The following CDK6 variants were observed in gnomAD, a reference collection of about 807,000 sequenced individuals.
The protein encoded by CDK6 is cyclin dependent kinase 6.
Under a neutral mutation model 37.1 loss-of-function variants are expected in CDK6, and 6 were observed. That is an observed-to-expected ratio of 0.16 (90% CI 0.09 to 0.32). The LOEUF (loss-of-function observed/expected upper bound fraction) is 0.32, where lower values mean the gene tolerates loss of function less well. CDK6 is among the 10% of genes least tolerant of loss of function. The pLI is 1.00. For synonymous variants in CDK6, 160 were observed against 161.3 expected (o/e 0.99, Z 0.06); for missense variants, 224 against 418.9 (o/e 0.53, Z 4.06).
intron 3 of CDK6, among the ~76,000 whole-genome samples, chr7:92,726,291 T>C (rs948893241): frequency 6.6e-6 from 1 of 152,212 alleles, no homozygotes; most frequent in African/African-American, 2.4e-5. Context: ...GTAAATAATT[T>C]AATCCACACC....
At chr7:92,674,187 C>T (rs1241082019) in intron 4 of CDK6, among the ~76,000 whole-genome samples, 2 of 151,630 alleles carry the variant, frequency 1.3e-5, no homozygotes, top group Non-Finnish European at 2.9e-5. Flanking sequence ...TGTCTCCATG[C>T]TTTTGTTTAT....
Position 92,608,077 on chromosome 7 carries a change from C to A in CDK6, c.*7063G>T, listed in dbSNP as rs1166333019. The A allele has an allele frequency of 4.3e-6, 1 of 233,010 alleles. No homozygotes were observed. Among genetic ancestry groups the A allele is most frequent in the Non-Finnish European group, 8.5e-6 (1 of 117,814 alleles). 14.4% of individuals were successfully genotyped at this position (233,010 alleles called of 1,614,324 possible). A position where few individuals can be genotyped will look rare whatever the true frequency, so the allele number is the denominator to read the frequency against. On this transcript the variant is annotated 3_prime_UTR_variant, in exon 8 of 8. Transcript: ENST00000424848. ...AAGGGTACAACGGGTATCTTCAGAA[C>A]TTTAACCTAAGCACATCAACGGAAT...
At chr7:92,669,459 T>C (rs1797027880) in intron 5 of CDK6, among the ~76,000 whole-genome samples, 1 of 152,232 alleles carries the variant, frequency 6.6e-6, no homozygotes, top group Admixed American at 6.5e-5. Context: ...TGACTAGTAT[T>C]CAAGTCTGTA....
In CDK6 at chr7:92,612,760, G is replaced by C. The variant is rs1234239887; in HGVS notation, c.*2380C>G. The C allele has an allele frequency of 1.3e-5, 3 of 232,982 alleles. No individual in the cohort carries two copies. The highest frequency in any genetic ancestry group is 6.6e-5 in the African/African-American group (3 of 45,328). The allele number at this position is 232,982 out of a possible 1,614,324, so 14.4% of individuals were successfully genotyped here. On this transcript the variant is annotated 3_prime_UTR_variant, in exon 8 of 8. Coordinates refer to ENST00000424848, the MANE Select transcript of CDK6 (RefSeq NM_001145306.2). ...TGCTGAAAAATTCCAGTTCAGAACA[G>C]CTGCATTTTTCTTGAGTGAACTTAT...
intron 7 of CDK6, among the ~76,000 whole-genome samples, chr7:92,617,804 G>T (rs1562911579): frequency 6.6e-6 from 1 of 152,190 alleles, no homozygotes; most frequent in Non-Finnish European, 1.5e-5. Context: ...GAATCGAGAG[G>T]CTTCTAAACC....
intron 4 of CDK6, among the ~76,000 whole-genome samples, chr7:92,721,546 T>C (rs1798364653): frequency 6.6e-6 from 1 of 152,224 alleles, no homozygotes; most frequent in African/African-American, 2.4e-5. Flanking sequence ...ATACTCTGTA[T>C]GGGTACATGT....
At chr7:92,659,074 AAAG>A (rs1475845324) in intron 5 of CDK6, among the ~76,000 whole-genome samples, 1 of 152,254 alleles carries the variant, frequency 6.6e-6, no homozygotes, top group Non-Finnish European at 1.5e-5. Flanking sequence ...CACAACCAGA[AAAG>A]AAGACAATGT....
At chr7:92,803,210 C>A (rs1800629840) in intron 2 of CDK6, among the ~76,000 whole-genome samples, 1 of 152,160 alleles carries the variant, frequency 6.6e-6, no homozygotes, top group Non-Finnish European at 1.5e-5. Flanking sequence ...ATATGGTTAG[C>A]AGTATGTGAA....
intron 2 of CDK6, among the ~76,000 whole-genome samples, chr7:92,791,908 C>T (rs1281297986): frequency 6.6e-6 from 1 of 152,040 alleles, no homozygotes; most frequent in Non-Finnish European, 1.5e-5. Context: ...TGGAAAAGTA[C>T]ACAGAAGTGA....
intron 5 of CDK6, among the ~76,000 whole-genome samples, chr7:92,651,515 C>T (rs78499056): frequency 1.3e-5 from 2 of 152,100 alleles, no homozygotes; most frequent in Non-Finnish European, 2.9e-5. Context: ...TTTCCAGAAG[C>T]CTTTAAGGTC....
At chr7:92,826,951 T>C (rs1801334846) in intron 2 of CDK6, among the ~76,000 whole-genome samples, 1 of 152,110 alleles carries the variant, frequency 6.6e-6, no homozygotes, top group African/African-American at 2.4e-5. Flanking sequence ...AAACATAAAG[T>C]CACTAAACTG....
At chr7:92,683,131 A>G (rs918959055) in intron 4 of CDK6, among the ~76,000 whole-genome samples, 1 of 152,098 alleles carries the variant, frequency 6.6e-6, no homozygotes, top group Non-Finnish European at 1.5e-5. Flanking sequence ...ACAGATAAGT[A>G]GAAATGAAAA....
chr7:92,731,285 C>T (rs1219074063), intron 3 of CDK6, among the ~76,000 whole-genome samples: 1 of 152,252 alleles, frequency 6.6e-6, no homozygotes, highest in Non-Finnish European at 1.5e-5. Flanking sequence ...AAGAATGCTT[C>T]ATCCAAAATC....
intron 4 of CDK6, among the ~76,000 whole-genome samples, chr7:92,697,778 T>G (rs2116654393): frequency 6.6e-6 from 1 of 152,362 alleles, no homozygotes; most frequent in African/African-American, 2.4e-5. Flanking sequence ...ATTACTGAAT[T>G]AAAAGTCACA....
At chr7:92,724,351 A>G (rs1585430843) in intron 4 of CDK6, among the ~76,000 whole-genome samples, 2 of 152,324 alleles carry the variant, frequency 1.3e-5, no homozygotes, top group Middle Eastern at 3.4e-3. Context: ...AGTAGGATTT[A>G]TCTTCTAACA....
At chr7:92,625,474 T>C (rs1217743109) in intron 5 of CDK6, among the ~76,000 whole-genome samples, 1 of 151,924 alleles carries the variant, frequency 6.6e-6, no homozygotes, top group African/African-American at 2.4e-5. Context: ...ATGCCACATT[T>C]TTCAATAAGG....
At chr7:92,668,286 A>C (rs1393939936) in intron 5 of CDK6, among the ~76,000 whole-genome samples, 2 of 152,212 alleles carry the variant, frequency 1.3e-5, no homozygotes, top group African/African-American at 4.8e-5. Context: ...GATTTATGTA[A>C]GTACATTCGA....
intron 5 of CDK6, among the ~76,000 whole-genome samples, chr7:92,648,691 G>A (rs1235799677): frequency 1.3e-5 from 2 of 152,160 alleles, no homozygotes; most frequent in South Asian, 2.1e-4. Flanking sequence ...TTGGATGACC[G>A]AGTGTTTGCC....
intron 2 of CDK6, among the ~76,000 whole-genome samples, chr7:92,809,272 A>C (rs555254205): frequency 5.9e-5 from 9 of 152,214 alleles, no homozygotes; most frequent in Non-Finnish European, 1.2e-4. Flanking sequence ...TGGAACTTTC[A>C]ATGTTTTCTG....
Sources: gnomAD v4.1 joint callset for allele counts (sites outside exome capture counted in the v4.1 genomes callset) on GRCh38, gnomAD v4.1.1 for gene constraint, MANE v1.5 for transcripts, NCBI Gene and HGNC (gene_info 2026-07-23, HGNC 2026-07-21) for gene names.